The following GIGYF1 variants were observed in gnomAD, a reference collection of about 807,000 sequenced individuals.
GIGYF1 encodes GRB10 interacting GYF protein 1, also known as GRB10-interacting GYF protein 1.
In GIGYF1, 84 loss-of-function variants were observed where a neutral mutation model predicts 147.1. That is an observed-to-expected ratio of 0.57 (90% CI 0.48 to 0.68). GIGYF1 has a LOEUF of 0.68. GIGYF1 is among the 30% of genes least tolerant of loss of function. The pLI is 0.00. For missense variants in GIGYF1, 1,485 were observed against 1,393.7 expected, an observed-to-expected ratio of 1.07 and a Z score of -1.04; for synonymous variants, 752 against 589.5, an observed-to-expected ratio of 1.28 and a Z score of -3.99.
chr7:100,682,340 C>T lies in GIGYF1; in HGVS notation c.2743G>A (p.Ala915Thr), dbSNP rs776217500. The T allele has an allele frequency of 9.3e-6, 15 of 1,612,560 alleles. No individual in the cohort carries two copies. The highest frequency in any genetic ancestry group is 5.0e-5 in the Admixed American group (3 of 59,976). Residue 915 changes from alanine (A) to threonine (T), a missense_variant, in exon 24 of 27, where the codon GCC becomes ACC. Physicochemically the swap from Ala to Thr is moderately conservative, Grantham distance 58 (BLOSUM62 0). Transcript: ENST00000678049. Reference protein sequence around the residue: ...WCEQMLHTLSATGSLDVPMAV... With the variant: ...WCEQMLHTLSTTGSLDVPMAV... ...CGCCCACCGTCCAGGCTGCCCGTGG[C>T]GCTCAGCGTGTGCAGCATCTGCTCG...
rs760573630 is a variant in GIGYF1 at position 100,682,268 on chromosome 7, T to C, written c.2762-33A>G. ...ATGAGCGAAGGCTGTCAGGGCCCCC[T>C]GGCCGGGTCTGGAGACCCAGGTCCC... is the stretch of plus-strand genomic sequence containing the variant. On this transcript the variant is annotated intron_variant, in intron 24 of 26. Coordinates refer to ENST00000678049, the MANE Select transcript of GIGYF1 (RefSeq NM_001375765.1). 24 of 1,607,980 alleles carry C rather than the reference T, an allele frequency of 1.5e-5. No homozygotes were observed. The Admixed American group carries it at 3.8e-4, about 26-fold the overall frequency.
At position 100,686,230 on chromosome 7, in the gene GIGYF1, C is replaced by T. The variant is rs1194649318; in HGVS notation, c.898G>A (p.Asp300Asn). 1.2e-6 allele frequency: 2 copies of T among 1,613,786 alleles called. No individual in the cohort carries two copies. Among genetic ancestry groups the T allele is most frequent in the African/African-American group, 1.3e-5 (1 of 74,910 alleles). The change falls in exon 11 of 27, where the codon GAT (aspartate) becomes AAT (asparagine). Residue 300 changes from aspartate (D) to asparagine (N), a missense_variant. Asp to Asn is a conservative substitution (Grantham distance 23). Coordinates refer to ENST00000678049, the MANE Select transcript of GIGYF1 (RefSeq NM_001375765.1). The part of the protein sequence containing the change: ...GLPEWCLDDE[D>N]EEMGTFDASG... ...GCATCAAAGGTGCCCATTTCTTCAT[C>T]CTCATCGTCCAGGCACCACTCTGGG...
intron 12 of GIGYF1, 83 bp downstream of exon 12, chr7:100,685,891 T>G (rs1584499648): frequency 4.5e-6 from 5 of 1,109,952 alleles, no homozygotes; most frequent in Non-Finnish European, 6.7e-6. Flanking sequence ...TACAGGTAGG[T>G]GGGCAGCCAA....
chr7:100,683,797 G>T, intron 19 of GIGYF1, 21 bp downstream of exon 19: 1 of 1,577,132 alleles, frequency 6.3e-7, no homozygotes, highest in East Asian at 2.3e-5. Flanking sequence ...CTTGGGGGTG[G>T]GGACCAGTCA....
chr7:100,685,503 A>T, intron 12 of GIGYF1, 22 bp from the exon 13 acceptor site: 1 of 1,591,498 alleles, frequency 6.3e-7, no homozygotes, highest in South Asian at 1.1e-5. Context: ...AGATGGCCAG[A>T]GTTCAGAACC....
At position 100,688,260 on chromosome 7, in the gene GIGYF1, G is replaced by A; in HGVS notation, c.-22C>T. On this transcript the variant is annotated 5_prime_UTR_variant, in exon 4 of 27. Transcript: ENST00000678049. ...CCATCGTGGGGCTGGGCGTGTTTGA[G>A]AGGCCGGGGGTGGGGAGGAGGGGAC... 8 of 1,604,618 alleles carry A rather than the reference G, an allele frequency of 5.0e-6. No individual in the cohort carries two copies. Among genetic ancestry groups the A allele is most frequent in the East Asian group, 2.2e-5 (1 of 44,738 alleles).
chr7:100,686,862 T>C, intron 9 of GIGYF1, 43 bp from the exon 10 acceptor site: 4 of 1,596,418 alleles, frequency 2.5e-6, no homozygotes, highest in Non-Finnish European at 3.4e-6. Context: ...AAAGGCAGCG[T>C]GGTGCCTGGA....
intron 1 of GIGYF1, 83 bp downstream of exon 1, chr7:100,694,027 G>C (rs1806046352): frequency 6.8e-6 from 1 of 146,594 alleles, no homozygotes; most frequent in African/African-American, 2.5e-5. Flanking sequence ...TCGCGGGCTC[G>C]GCGCGGCCGC....
chr7:100,682,872 G>A (rs911136262), intron 22 of GIGYF1, 95 bp from the exon 23 acceptor site: 11 of 1,339,558 alleles, frequency 8.2e-6, no homozygotes, highest in Non-Finnish European at 9.0e-6. Flanking sequence ...GACAGGTGAG[G>A]TGAGGGCCAC....
At chr7:100,691,115 C>A (rs1433642745) in intron 1 of GIGYF1, among the ~76,000 whole-genome samples, 1 of 152,236 alleles carries the variant, frequency 6.6e-6, no homozygotes, top group Non-Finnish European at 1.5e-5. Context: ...ACTAAAGGAA[C>A]TAGTGGCACA....
chr7:100,693,244 A>T (rs370816252), intron 1 of GIGYF1, among the ~76,000 whole-genome samples: 2 of 152,272 alleles, frequency 1.3e-5, no homozygotes, highest in African/African-American at 4.8e-5. Flanking sequence ...TAATGACTGT[A>T]TAACAGAGAA....
chr7:100,687,370 C>T lies in GIGYF1; in HGVS notation c.410G>A (p.Ser137Asn), dbSNP rs1584504168. 1.1e-5 allele frequency: 17 copies of T among 1,613,388 alleles called. No individual in the cohort carries two copies. The highest frequency in any genetic ancestry group is 1.2e-5 in the Non-Finnish European group (14 of 1,179,992). The change falls in exon 8 of 27, where the codon AGC becomes AAC. Residue 137 changes from serine to asparagine, a missense_variant. Coordinates refer to ENST00000678049, the MANE Select transcript of GIGYF1 (RefSeq NM_001375765.1). Reference protein sequence around the residue: ...GRGDSCFYQRSIEEGDGAFGR... With the variant: ...GRGDSCFYQRNIEEGDGAFGR... The stretch of plus-strand genomic sequence containing the variant: ...AAAGGCCCCATCGCCTTCTTCGATG[C>T]TTCTTTGGTAAAAGCAGCTGTCACC...
rs186899381 is a variant in GIGYF1, at chr7:100,692,714, A to G, written c.-1099+1396T>C. ...GTTTAAGCACATGGTCCACTTGACTAACCACCACGTGGGACCCTCAGGGCC... is the reference window on the plus strand; with the variant it reads ...GTTTAAGCACATGGTCCACTTGACTGACCACCACGTGGGACCCTCAGGGCC... On this transcript the variant is annotated intron_variant, in intron 1 of 26. Transcript: ENST00000678049. Among the ~76,000 whole-genome samples, 6 of 152,344 alleles carry G rather than the reference A, an allele frequency of 3.9e-5. No individual in the cohort carries two copies. In the East Asian group the frequency reaches 9.6e-4, roughly 24 times the overall value.
At chr7:100,685,913 G>T in intron 12 of GIGYF1, 61 bp downstream of exon 12, 1 of 1,431,684 alleles carries the variant, frequency 7.0e-7, no homozygotes. Flanking sequence ...GCCCAGCCCG[G>T]CAAAGAACAC....
rs572372743 is a variant in GIGYF1 at position 100,682,382 on chromosome 7, C to A, written c.2701G>T (p.Gly901Cys). Residue 901 changes from glycine (G) to cysteine (C), a missense_variant, in exon 24 of 27, where the codon GGC becomes TGC. Transcript: ENST00000678049. ...ATCTGCTCGCACCACTGGGTGAAGC[C>A]GTCCTGGGGCCTGGGAATGCCCTGC... ...LLQGIPRPQD[G>C]FTQWCEQMLH... 1 of 1,613,556 alleles carries A rather than the reference C, an allele frequency of 6.2e-7. No homozygotes were observed. Among genetic ancestry groups the A allele is most frequent in the Non-Finnish European group, 8.5e-7 (1 of 1,179,980 alleles).
intron 1 of GIGYF1, among the ~76,000 whole-genome samples, chr7:100,690,024 G>T (rs1304661425): frequency 6.6e-6 from 1 of 152,210 alleles, no homozygotes; most frequent in Non-Finnish European, 1.5e-5. Flanking sequence ...ACTGAGGAGG[G>T]GATCCTGGGG....
In GIGYF1 at chr7:100,683,239, G is replaced by C. The variant is rs1329947577; in HGVS notation, c.2194-9C>G. On this transcript the variant is annotated splice_polypyrimidine_tract_variant and intron_variant, in intron 21 of 26. Transcript: ENST00000678049. ...AGCTCCTGCTGCCGCACCTAAGAGG[G>C]GGACATGGTGAGGGGACCTGGCGAG... 6.2e-7 allele frequency: 1 copy of C among 1,612,742 alleles called. No homozygotes were observed.
intron 17 of GIGYF1, 33 bp downstream of exon 17, chr7:100,684,204 G>A (rs1435561963): frequency 6.2e-7 from 1 of 1,609,780 alleles, no homozygotes; most frequent in Non-Finnish European, 8.5e-7. Flanking sequence ...CCAGCGCCGG[G>A]CCTTCTCCCA....
In GIGYF1 at chr7:100,688,268, GGGT is replaced by G; in HGVS notation, c.-33_-31del. The G allele has an allele frequency of 6.6e-7, 1 of 1,507,038 alleles. No homozygotes were observed. Among genetic ancestry groups the G allele is most frequent in the Non-Finnish European group, 9.2e-7 (1 of 1,083,632 alleles). 93.4% of individuals were successfully genotyped at this position (1,507,038 alleles called of 1,614,324 possible). A position where few individuals can be genotyped will look rare whatever the true frequency, so the allele number is the denominator to read the frequency against. ...GGGCTGGGCGTGTTTGAGAGGCCGG[GGGT>G]GGGGAGGAGGGGACCTGGCGTTCAC... On this transcript the variant is annotated 5_prime_UTR_variant, in exon 4 of 27. Coordinates refer to ENST00000678049, the MANE Select transcript of GIGYF1 (RefSeq NM_001375765.1).
Sources: gnomAD v4.1 joint callset for allele counts (sites outside exome capture counted in the v4.1 genomes callset) on GRCh38, gnomAD v4.1.1 for gene constraint, MANE v1.5 for transcripts, NCBI Gene and HGNC (gene_info 2026-07-23, HGNC 2026-07-21) for gene names.